Variants in ADIPOR2 observed in about 807,000 individuals in gnomAD.
The protein encoded by ADIPOR2 is adiponectin receptor 2.
Under a neutral mutation model 40.9 loss-of-function variants are expected in ADIPOR2, and 18 were observed. The ratio of observed to expected loss-of-function variants is 0.44; its 90% CI spans 0.30 to 0.65. The LOEUF (loss-of-function observed/expected upper bound fraction) is 0.65. Ranked by LOEUF, ADIPOR2 falls within the 30% of genes least tolerant of loss-of-function variation. ADIPOR2 has a pLI of 0.09. For synonymous variants in ADIPOR2, 165 were observed against 166.4 expected (o/e 0.99, Z 0.06); for missense variants, 283 against 479.2 (o/e 0.59, Z 3.82).
intron 1 of ADIPOR2, among the ~76,000 whole-genome samples, chr12:1,745,053 A>G (rs966154910): frequency 2.6e-5 from 4 of 152,214 alleles, no homozygotes; most frequent in Non-Finnish European, 5.9e-5. Flanking sequence ...GTGGATGCCC[A>G]GTGATTTCCC....
At chr12:1,730,888 T>G (rs2094718739) in intron 1 of ADIPOR2, 1 of 81,704 alleles carries the variant, frequency 1.2e-5, no homozygotes, top group Non-Finnish European at 2.9e-5. Context: ...TGTAAAAGTT[T>G]AAGTTATCAG....
chr12:1,713,828 G>T (rs1294511757), intron 1 of ADIPOR2, among the ~76,000 whole-genome samples: 5 of 152,066 alleles, frequency 3.3e-5, no homozygotes, highest in Non-Finnish European at 5.9e-5. Flanking sequence ...CGGGACAGGA[G>T]ATTAACACTG....
In ADIPOR2 at chr12:1,780,723, T is replaced by G. The variant is rs1378265802; in HGVS notation, c.650+86T>G. ...ACATTCAGCAGAGTTGGCAGAATTC[T>G]TAATATCATCTCATGCAAACTTTTT... On this transcript the variant is annotated intron_variant, in intron 5 of 7. Coordinates refer to ENST00000357103, the MANE Select transcript of ADIPOR2 (RefSeq NM_024551.3). 5 of 1,421,810 alleles carry G rather than the reference T, an allele frequency of 3.5e-6. No homozygotes were observed. In the Admixed American group the frequency reaches 1.3e-4, roughly 36 times the overall value. The allele number at this position is 1,421,810 out of a possible 1,614,324, so 88.1% of individuals were successfully genotyped here. A position where few individuals can be genotyped will look rare whatever the true frequency, so the allele number is the denominator to read the frequency against.
chr12:1,733,172 C>G (rs2094723861), intron 1 of ADIPOR2, among the ~76,000 whole-genome samples: 1 of 152,060 alleles, frequency 6.6e-6, no homozygotes, highest in Admixed American at 6.5e-5. Flanking sequence ...AGTAAGCTTC[C>G]CTACTGTTGG....
chr12:1,725,642 A>T (rs10744549), intron 1 of ADIPOR2, among the ~76,000 whole-genome samples: 122,392 of 152,166 alleles, frequency 0.8, 50,151 homozygotes, highest in East Asian at 0.9. Flanking sequence ...ATACTTATTA[A>T]ATGTTTATCT....
intron 1 of ADIPOR2, among the ~76,000 whole-genome samples, chr12:1,713,068 A>G (rs985172986): frequency 6.6e-6 from 1 of 152,132 alleles, no homozygotes; most frequent in African/African-American, 2.4e-5. Flanking sequence ...ATCTTGGACC[A>G]GTGCCTGACC....
intron 1 of ADIPOR2, 149 bp from the exon 2 acceptor site, chr12:1,754,109 A>G (rs1455001811): frequency 1.1e-5 from 4 of 359,464 alleles, no homozygotes; most frequent in African/African-American, 2.1e-5. Flanking sequence ...ATTTTTGGCT[A>G]TATTCCCTGT....
At chr12:1,724,745 C>T (rs2094704464) in intron 1 of ADIPOR2, among the ~76,000 whole-genome samples, 1 of 152,076 alleles carries the variant, frequency 6.6e-6, no homozygotes, top group Non-Finnish European at 1.5e-5. Context: ...GGCTGGAATG[C>T]GGTGGCACGA....
intron 1 of ADIPOR2, among the ~76,000 whole-genome samples, chr12:1,691,689 G>C (rs1246774636): frequency 6.6e-6 from 1 of 152,176 alleles, no homozygotes; most frequent in African/African-American, 2.4e-5. Context: ...ACCTTTTTCA[G>C]GTGGCGCGTC....
At chr12:1,708,765 G>T (rs1016665414) in intron 1 of ADIPOR2, among the ~76,000 whole-genome samples, 1 of 151,458 alleles carries the variant, frequency 6.6e-6, no homozygotes, top group African/African-American at 2.4e-5. Flanking sequence ...TGTCATCCAG[G>T]CTGGAGTGCA....
intron 1 of ADIPOR2, among the ~76,000 whole-genome samples, chr12:1,714,748 G>T (rs1168751637): frequency 6.6e-6 from 1 of 152,114 alleles, no homozygotes; most frequent in African/African-American, 2.4e-5. Context: ...ACGTGACTGA[G>T]ATGCCAGGTA....
rs1862706230 is a variant in ADIPOR2 at position 1,780,986 on chromosome 12, T to TG, written c.748_749insG (p.Leu250CysfsTer55). 1 of 1,613,892 alleles carries TG rather than the reference T, an allele frequency of 6.2e-7. No individual in the cohort carries two copies. The highest frequency in any genetic ancestry group is 8.5e-7 in the Non-Finnish European group (1 of 1,179,950). On this transcript the variant is annotated frameshift_variant, in exon 6 of 8. Coordinates refer to ENST00000357103, the MANE Select transcript of ADIPOR2 (RefSeq NM_024551.3). LOFTEE classifies it high-confidence loss of function. ...TAATCCACAACCTTGCTTCATCTAC[T>TG]TGATTGTCATCTGTGTGCTGGGCAT...
intron 1 of ADIPOR2, among the ~76,000 whole-genome samples, chr12:1,699,094 A>C (rs1425644473): frequency 6.6e-6 from 1 of 152,158 alleles, no homozygotes; most frequent in Non-Finnish European, 1.5e-5. Context: ...ATCACTGATC[A>C]AAAAGAATCT....
chr12:1,771,252 C>G (rs1862488955), intron 2 of ADIPOR2, among the ~76,000 whole-genome samples: 1 of 152,134 alleles, frequency 6.6e-6, no homozygotes, highest in Non-Finnish European at 1.5e-5. Flanking sequence ...GTAGCCCCAG[C>G]TATTCAGGAG....
At position 1,784,085 on chromosome 12, in the gene ADIPOR2, G is replaced by A. The variant is rs545549013; in HGVS notation, c.1032+12G>A. The A allele has an allele frequency of 1.5e-5, 24 of 1,564,776 alleles. No homozygotes were observed. In the South Asian group the frequency reaches 2.3e-4, roughly 15 times the overall value. On this transcript the variant is annotated intron_variant, in intron 7 of 7. Transcript: ENST00000357103. Reference sequence around the variant, plus strand: ...AATGTGACATCTGGGTAAGTATGTCGGGGTGACTGAGTGTGTAGGTATCTG... The same window carrying A: ...AATGTGACATCTGGGTAAGTATGTCAGGGTGACTGAGTGTGTAGGTATCTG...
At chr12:1,706,752 C>T (rs1000632581) in intron 1 of ADIPOR2, among the ~76,000 whole-genome samples, 9 of 152,140 alleles carry the variant, frequency 5.9e-5, no homozygotes, top group African/African-American at 2.2e-4. Flanking sequence ...GTGTCCCTCA[C>T]AGTCAGTGCA....
chr12:1,741,928 G>A (rs2094743645), intron 1 of ADIPOR2, among the ~76,000 whole-genome samples: 1 of 151,850 alleles, frequency 6.6e-6, no homozygotes, highest in Non-Finnish European at 1.5e-5. Context: ...TAGGTTAAGA[G>A]TGTCTTCTTG....
At chr12:1,782,910 T>C (rs1053316649) in intron 6 of ADIPOR2, among the ~76,000 whole-genome samples, 3 of 152,020 alleles carry the variant, frequency 2.0e-5, no homozygotes, top group African/African-American at 4.8e-5. Context: ...TGCCCAGTTA[T>C]AGGTTATAGA....
At chr12:1,721,787 G>T (rs1236078728) in intron 1 of ADIPOR2, among the ~76,000 whole-genome samples, 1 of 152,180 alleles carries the variant, frequency 6.6e-6, no homozygotes, top group Non-Finnish European at 1.5e-5. Flanking sequence ...AGTCAGCCAT[G>T]GCAAAGATTA....
Sources: gnomAD v4.1 joint callset for allele counts (sites outside exome capture counted in the v4.1 genomes callset) on GRCh38, gnomAD v4.1.1 for gene constraint, MANE v1.5 for transcripts, NCBI Gene and HGNC (gene_info 2026-07-23, HGNC 2026-07-21) for gene names.